TMEM268: variants seen among roughly 807,000 people sequenced by gnomAD.
TMEM268 encodes the protein transmembrane protein 268.
In TMEM268, 24 loss-of-function variants were observed where a neutral mutation model predicts 39.1. The ratio of observed to expected loss-of-function variants is 0.61; its 90% CI spans 0.44 to 0.86. The LOEUF is 0.86. Among genes scored for constraint, TMEM268 ranks in the 40% least tolerant of loss-of-function variants. TMEM268 has a pLI of 0.00. For missense variants in TMEM268, 409 were observed against 428.6 expected, an observed-to-expected ratio of 0.95 and a Z score of 0.40; for synonymous variants, 176 against 173.5, an observed-to-expected ratio of 1.01 and a Z score of -0.12.
intron 5 of TMEM268, 61 bp downstream of exon 5, chr9:114,628,311 C>G (rs1014957443): frequency 1.3e-6 from 2 of 1,571,192 alleles, no homozygotes; most frequent in Non-Finnish European, 1.7e-6. Context: ...GCGTGAGAAT[C>G]AGATTTTTCC....
rs1323678833 is a variant in TMEM268 at position 114,645,886 on chromosome 9, A to G, written c.*2573A>G. 1.3e-5 allele frequency: 2 copies of G among 152,134 alleles called. No homozygotes were observed. The highest frequency in any genetic ancestry group is 4.8e-5 in the African/African-American group (2 of 41,410). 9.4% of individuals were successfully genotyped at this position (152,134 alleles called of 1,614,324 possible). ...AATCCCTATGATCTCTGTCTCACCT[A>G]CTTTACAGGGTTGCTGTGAAGATCG... On this transcript the variant is annotated 3_prime_UTR_variant, in exon 9 of 9. Transcript: ENST00000288502.
chr9:114,637,083 C>A lies in TMEM268; in HGVS notation c.666+13C>A. On this transcript the variant is annotated intron_variant, in intron 7 of 8. Coordinates refer to ENST00000288502, the MANE Select transcript of TMEM268 (RefSeq NM_153045.4). Reference sequence around the variant, plus strand: ...GACTAGCCAAGAGGTAAGATATCTTCAGTGAAAAAACAAAACAAAAACCAG... The same window carrying A: ...GACTAGCCAAGAGGTAAGATATCTTAAGTGAAAAAACAAAACAAAAACCAG... 6.4e-7 allele frequency: 1 copy of A among 1,572,564 alleles called. No homozygotes were observed. Among genetic ancestry groups the A allele is most frequent in the Admixed American group, 1.7e-5 (1 of 59,802 alleles).
intron 7 of TMEM268, 137 bp from the exon 8 acceptor site, chr9:114,638,407 C>T (rs570791505): frequency 1.8e-4 from 108 of 584,874 alleles, no homozygotes; most frequent in Middle Eastern, 8.4e-4. Flanking sequence ...ATCCCGAATG[C>T]GACCAGCTTT....
intron 3 of TMEM268, among the ~76,000 whole-genome samples, chr9:114,625,540 G>A (rs1362211594): frequency 6.7e-6 from 1 of 149,564 alleles, no homozygotes; most frequent in Non-Finnish European, 1.5e-5. Context: ...TGCTTCCTGG[G>A]TTCAAGTGAT....
At chr9:114,637,495 T>A (rs960541569) in intron 7 of TMEM268, among the ~76,000 whole-genome samples, 1 of 152,058 alleles carries the variant, frequency 6.6e-6, no homozygotes, top group Admixed American at 6.6e-5. Flanking sequence ...GGTTTCACCA[T>A]GTTGGCCAGG....
At chr9:114,637,288 CT>C (rs33946644) in intron 7 of TMEM268, among the ~76,000 whole-genome samples, 13,411 of 127,122 alleles carry the variant, frequency 0.11, 738 homozygotes, top group Middle Eastern at 0.14. Flanking sequence ...TATATTTCTT[CT>C]TTTTTTTTTT....
intron 2 of TMEM268, among the ~76,000 whole-genome samples, chr9:114,623,094 A>AAC (rs1564288784): frequency 3.4e-4 from 51 of 151,754 alleles, no homozygotes; most frequent in Non-Finnish European, 5.7e-4. Flanking sequence ...TGTCTCCAAA[A>AAC]AACAACAACA....
At chr9:114,634,713 C>T (rs1846554741) in intron 6 of TMEM268, among the ~76,000 whole-genome samples, 2 of 152,168 alleles carry the variant, frequency 1.3e-5, no homozygotes, top group Non-Finnish European at 2.9e-5. Context: ...TCCTCATGCA[C>T]CTGCCTCAGT....
rs1218481574 is a variant in TMEM268 at position 114,611,408 on chromosome 9, C to CGGGCGGG, written c.-227_-221dup. 9 of 151,728 alleles carry CGGGCGGG rather than the reference C, an allele frequency of 5.9e-5. No homozygotes were observed. The highest frequency in any genetic ancestry group is 1.8e-4 in the South Asian group (1 of 5,588). The allele number at this position is 151,728 out of a possible 1,614,324, so 9.4% of individuals were successfully genotyped here. On this transcript the variant is annotated 5_prime_UTR_variant, in exon 1 of 9. The change abolishes the stop of an existing upstream ORF in the 5' untranslated region. Transcript: ENST00000288502. ...GGTTGGGCGACCGAGCGGGGCCGGC[C>CGGGCGGG]GGGCGGGGGGCGGGCCCGTGAAGGC... is the stretch of plus-strand genomic sequence containing the variant.
At chr9:114,642,204 C>G (rs1412127808) in intron 8 of TMEM268, among the ~76,000 whole-genome samples, 1 of 152,148 alleles carries the variant, frequency 6.6e-6, no homozygotes, top group African/African-American at 2.4e-5. Context: ...CCTTCCTCCC[C>G]ACCCTCAACC....
At chr9:114,643,035 C>A (rs940601233) in intron 8 of TMEM268, 99 bp from the exon 9 acceptor site, 5 of 1,279,652 alleles carry the variant, frequency 3.9e-6, no homozygotes, top group Non-Finnish European at 4.5e-6. Context: ...CTGCTGGGTC[C>A]AGGGGCAAGA....
chr9:114,642,835 G>A (rs1827414304), intron 8 of TMEM268, among the ~76,000 whole-genome samples: 1 of 152,012 alleles, frequency 6.6e-6, no homozygotes, highest in African/African-American at 2.4e-5. Context: ...CTAGGGCTTC[G>A]AGGTTGCATA....
At chr9:114,631,477 A>G (rs1235820204) in intron 5 of TMEM268, among the ~76,000 whole-genome samples, 3 of 152,142 alleles carry the variant, frequency 2.0e-5, no homozygotes, top group African/African-American at 2.4e-5. Context: ...TAAGTGTTCA[A>G]TTCTTTCAAT....
chr9:114,634,393 C>T (rs534042093), intron 6 of TMEM268, among the ~76,000 whole-genome samples: 15 of 152,176 alleles, frequency 9.9e-5, no homozygotes, highest in African/African-American at 2.9e-4. Context: ...AGTGACACAG[C>T]GGGGAGAGAT....
chr9:114,637,260 C>T (rs899628480), intron 7 of TMEM268, among the ~76,000 whole-genome samples, 190 bp downstream of exon 7: 2 of 150,232 alleles, frequency 1.3e-5, no homozygotes, highest in Non-Finnish European at 3.0e-5. Context: ...GCTTCTTCTA[C>T]ATTTCCTATG....
chr9:114,626,617 G>A (rs1846170974), intron 3 of TMEM268, among the ~76,000 whole-genome samples: 1 of 152,228 alleles, frequency 6.6e-6, no homozygotes, highest in Non-Finnish European at 1.5e-5. Context: ...TGGGCCCAGG[G>A]CTGTCTGACT....
rs747222072 is a variant in TMEM268 at position 114,633,822 on chromosome 9, C to T, written c.529C>T (p.His177Tyr). Reference sequence around the variant, plus strand: ...AGCTGCCAATGGAGCCCTCCTGAGACACCGGGTGCTGCTGGGGGTGACAGA... The same window carrying T: ...AGCTGCCAATGGAGCCCTCCTGAGATACCGGGTGCTGCTGGGGGTGACAGA... ...LAAANGALLR[H>Y]RVLLGVTDTV... The change falls in exon 6 of 9, where the codon CAC becomes TAC. Residue 177 changes from histidine (H) to tyrosine (Y), a missense_variant. Physicochemically the swap from His to Tyr is moderately conservative, Grantham distance 83. Coordinates refer to ENST00000288502, the MANE Select transcript of TMEM268 (RefSeq NM_153045.4). 10 of 1,607,450 alleles carry T rather than the reference C, an allele frequency of 6.2e-6. No individual in the cohort carries two copies. In the African/African-American group the frequency reaches 6.7e-5, roughly 11 times the overall value.
At chr9:114,617,547 T>G (rs757623553) in intron 2 of TMEM268, among the ~76,000 whole-genome samples, 20 of 152,194 alleles carry the variant, frequency 1.3e-4, no homozygotes, top group Admixed American at 9.8e-4. Context: ...CAGAGAGCTC[T>G]TTATTATTTA....
chr9:114,621,396 T>G (rs755809440), intron 2 of TMEM268, among the ~76,000 whole-genome samples: 2 of 152,024 alleles, frequency 1.3e-5, no homozygotes, highest in Non-Finnish European at 2.9e-5. Context: ...AATTTGTTTA[T>G]ACACCAAACG....
Sources: gnomAD v4.1 joint callset for allele counts (sites outside exome capture counted in the v4.1 genomes callset) on GRCh38, gnomAD v4.1.1 for gene constraint, MANE v1.5 for transcripts, NCBI Gene and HGNC (gene_info 2026-07-23, HGNC 2026-07-21) for gene names.